Variants in MAN1C1 observed in about 807,000 individuals in gnomAD.
MAN1C1 encodes mannosidase alpha class 1C member 1, also known as mannosyl-oligosaccharide 1,2-alpha-mannosidase IC.
In MAN1C1, 49 loss-of-function variants were observed where a neutral mutation model predicts 71.5. That is an observed-to-expected ratio of 0.69 (90% CI 0.54 to 0.87). MAN1C1 has a LOEUF of 0.87. Ranked by LOEUF, MAN1C1 falls within the 40% of genes least tolerant of loss-of-function variation. The probability of loss-of-function intolerance (pLI) is 0.00; values close to 1 mark genes in which losing one functional copy is unlikely to be tolerated. For synonymous variants in MAN1C1, 352 were observed against 343.7 expected (o/e 1.02, Z -0.27); for missense variants, 743 against 835.0 (o/e 0.89, Z 1.36).
chr1:25,708,678 A>G (rs1033162875), intron 2 of MAN1C1, among the ~76,000 whole-genome samples: 23 of 152,134 alleles, frequency 1.5e-4, no homozygotes, highest in Non-Finnish European at 2.5e-4. Flanking sequence ...TGAGGTCAGG[A>G]GTTTGAGACC....
intron 1 of MAN1C1, among the ~76,000 whole-genome samples, chr1:25,658,030 C>T (rs938565097): frequency 1.3e-5 from 2 of 152,258 alleles, no homozygotes; most frequent in African/African-American, 4.8e-5. Flanking sequence ...TACACCATCT[C>T]CTTGCCTGCT....
At chr1:25,766,603 T>G (rs2047430146) in intron 7 of MAN1C1, among the ~76,000 whole-genome samples, 1 of 151,326 alleles carries the variant, frequency 6.6e-6, no homozygotes, top group Non-Finnish European at 1.5e-5. Flanking sequence ...AAACCGAGCT[T>G]CAGGGGTAAC....
intron 2 of MAN1C1, among the ~76,000 whole-genome samples, chr1:25,715,315 G>A (rs907950420): frequency 1.3e-5 from 2 of 152,126 alleles, no homozygotes; most frequent in African/African-American, 4.8e-5. Flanking sequence ...CATTCCCATT[G>A]CTGGGGTCAA....
chr1:25,659,307 T>C (rs914082465), intron 1 of MAN1C1, among the ~76,000 whole-genome samples: 2 of 152,222 alleles, frequency 1.3e-5, no homozygotes, highest in Admixed American at 1.3e-4. Flanking sequence ...CCCCCGACCC[T>C]TACGTCAGAC....
rs71014382 is a variant in MAN1C1, at chr1:25,718,025, CAT to C, written c.638-28641_638-28640del. Among the ~76,000 whole-genome samples, 388 of 152,170 alleles carry C rather than the reference CAT, an allele frequency of 2.5e-3. 12 individuals are homozygous for C. The East Asian group carries it at 0.063, about 25-fold the overall frequency. On this transcript the variant is annotated intron_variant, in intron 2 of 11. Coordinates refer to ENST00000374332, the MANE Select transcript of MAN1C1 (RefSeq NM_020379.4). ...ACACACACACACACACACACACACA[CAT>C]AGCCATTCCCCCATTCTTTCCATTA...
chr1:25,679,950 A>AAAAAAAAAAT (rs1285307256), intron 1 of MAN1C1, among the ~76,000 whole-genome samples: 2 of 117,262 alleles, frequency 1.7e-5, no homozygotes, highest in African/African-American at 7.6e-5. Context: ...AAAAAAAAAA[A>AAAAAAAAAAT]ATATATATAT....
intron 5 of MAN1C1, among the ~76,000 whole-genome samples, chr1:25,756,452 G>A (rs111685318): frequency 4.4e-5 from 5 of 112,642 alleles, no homozygotes; most frequent in Admixed American, 9.0e-5. Context: ...GGAAGGAGAG[G>A]CCCATGTGGG....
rs571392453 is a variant in MAN1C1 at position 25,635,354 on chromosome 1, C to G, written c.540+17017C>G. On this transcript the variant is annotated intron_variant, in intron 1 of 11. Transcript: ENST00000374332. Reference sequence around the variant, plus strand: ...GCGGCATTTTTCTCAATATGTATTTCAAGAAATTTGTCTATTTCATCTAAG... The same window carrying G: ...GCGGCATTTTTCTCAATATGTATTTGAAGAAATTTGTCTATTTCATCTAAG... Among the ~76,000 whole-genome samples the G allele has an allele frequency of 4.0e-5, 6 of 151,580 alleles. No individual in the cohort carries two copies. In the East Asian group the frequency reaches 7.7e-4, roughly 20 times the overall value.
At chr1:25,643,336 C>A (rs183870431) in intron 1 of MAN1C1, among the ~76,000 whole-genome samples, 1,596 of 151,566 alleles carry the variant, frequency 0.011, 14 homozygotes, top group Non-Finnish European at 0.018. Context: ...CTCACTGCAA[C>A]CTCTGCCTCC....
chr1:25,695,493 C>T (rs2046358286), intron 2 of MAN1C1, among the ~76,000 whole-genome samples: 1 of 152,148 alleles, frequency 6.6e-6, no homozygotes, highest in African/African-American at 2.4e-5. Context: ...CACAATTCCT[C>T]GGCCACCTTC....
intron 1 of MAN1C1, among the ~76,000 whole-genome samples, chr1:25,656,863 T>C (rs1159722133): frequency 1.3e-5 from 2 of 151,240 alleles, no homozygotes; most frequent in East Asian, 1.9e-4. Flanking sequence ...TCTTGCTCTG[T>C]CACCCAGGCT....
chr1:25,758,772 G>A, intron 6 of MAN1C1, 63 bp downstream of exon 6: 4 of 1,425,434 alleles, frequency 2.8e-6, no homozygotes, highest in Admixed American at 1.7e-5. Flanking sequence ...CTGCCACAGG[G>A]TTTTCAGAGG....
chr1:25,753,862 G>A lies in MAN1C1; in HGVS notation c.929+284G>A, dbSNP rs1011297858. The stretch of plus-strand genomic sequence containing the variant: ...TTTGTCACCAAACCTGGGTGTCAGG[G>A]TTTAGTCCACATAAGCCTGAGCCTC... On this transcript the variant is annotated intron_variant, in intron 5 of 11. Transcript: ENST00000374332. The surrounding 1 kb of genome is among the most constrained non-coding windows in gnomAD (Gnocchi z 4.9). Among the ~76,000 whole-genome samples the A allele has an allele frequency of 1.3e-5, 2 of 152,192 alleles. No homozygotes were observed. Among genetic ancestry groups the A allele is most frequent in the Non-Finnish European group, 2.9e-5 (2 of 68,026 alleles).
chr1:25,633,295 A>C (rs2045410844), intron 1 of MAN1C1, among the ~76,000 whole-genome samples: 1 of 152,202 alleles, frequency 6.6e-6, no homozygotes, highest in Non-Finnish European at 1.5e-5. Flanking sequence ...TGTTCTGTAA[A>C]TATCTGTTAA....
intron 2 of MAN1C1, among the ~76,000 whole-genome samples, chr1:25,744,934 ACTC>A (rs1198670279): frequency 6.6e-6 from 1 of 152,188 alleles, no homozygotes; most frequent in Non-Finnish European, 1.5e-5. Context: ...AGGAACAATT[ACTC>A]CTCTTAGGGT....
intron 1 of MAN1C1, among the ~76,000 whole-genome samples, chr1:25,651,132 C>T (rs763386323): frequency 1.3e-5 from 2 of 152,276 alleles, no homozygotes; most frequent in Non-Finnish European, 2.9e-5. Context: ...TTCTGGAAAT[C>T]AGCAGATCCT....
chr1:25,655,561 TGGCCCTTG>T (rs2045752295), intron 1 of MAN1C1, among the ~76,000 whole-genome samples: 1 of 152,214 alleles, frequency 6.6e-6, no homozygotes, highest in Non-Finnish European at 1.5e-5. Context: ...TTCTTTCCTC[TGGCCCTTG>T]GGGATAGTGG....
chr1:25,752,865 G>A (rs893913192), intron 4 of MAN1C1, among the ~76,000 whole-genome samples: 2 of 152,214 alleles, frequency 1.3e-5, no homozygotes, highest in African/African-American at 4.8e-5. Context: ...ATGTCAAAGC[G>A]GGACAGGCCT....
intron 2 of MAN1C1, among the ~76,000 whole-genome samples, chr1:25,724,538 G>GTGTGTCACA (rs1277975427): frequency 1.3e-5 from 2 of 151,666 alleles, no homozygotes; most frequent in Non-Finnish European, 3.0e-5. Flanking sequence ...AAGCCTCTGC[G>GTGTGTCACA]TGTGTCACAT....
Sources: allele counts gnomAD v4.1 joint callset (sites outside exome capture counted in the v4.1 genomes callset), GRCh38; gene constraint gnomAD v4.1.1; non-coding constraint Gnocchi (gnomAD v3.1); transcripts MANE v1.5; gene names NCBI Gene and HGNC (gene_info 2026-07-23, HGNC 2026-07-21).